CCSER1: variants seen among roughly 807,000 people sequenced by gnomAD.
CCSER1 encodes the protein serine-rich coiled-coil domain-containing protein 1.
CCSER1 carries 41 observed loss-of-function variants against 82.0 expected under a neutral mutation model. That is an observed-to-expected ratio of 0.50 (90% CI 0.39 to 0.65). The LOEUF (loss-of-function observed/expected upper bound fraction) is 0.65, where lower values mean the gene tolerates loss of function less well. CCSER1 is among the 30% of genes least tolerant of loss of function. The pLI is 0.00. For missense variants in CCSER1, 1,119 were observed against 1,064.2 expected (o/e 1.05, Z -0.72); for synonymous variants, 414 against 383.9 (o/e 1.08, Z -0.92).
chr4:90,190,164 G>T (rs569461592), intron 1 of CCSER1, among the ~76,000 whole-genome samples: 1 of 151,964 alleles, frequency 6.6e-6, no homozygotes, highest in Non-Finnish European at 1.5e-5. Flanking sequence ...CTTAGCAGGC[G>T]CATCTAGAAT....
chr4:90,230,251 C>A (rs913806365), intron 1 of CCSER1, among the ~76,000 whole-genome samples: 4 of 151,984 alleles, frequency 2.6e-5, no homozygotes, highest in Non-Finnish European at 4.4e-5. Context: ...TGTAAAAGAA[C>A]AGAAATTATA....
intron 8 of CCSER1, among the ~76,000 whole-genome samples, chr4:90,912,101 T>C (rs573162080): frequency 3.9e-4 from 59 of 152,332 alleles, no homozygotes; most frequent in East Asian, 1.9e-3. Flanking sequence ...CAGACTTAAA[T>C]GTCCCTGTCT....
At chr4:91,206,101 A>G (rs1736320003) in intron 10 of CCSER1, among the ~76,000 whole-genome samples, 1 of 151,930 alleles carries the variant, frequency 6.6e-6, no homozygotes, top group South Asian at 2.1e-4. Context: ...ATGAATCCAG[A>G]ATGTTCGGGG....
intron 8 of CCSER1, among the ~76,000 whole-genome samples, chr4:90,900,283 T>C (rs1486003079): frequency 6.6e-6 from 1 of 151,852 alleles, no homozygotes; most frequent in Non-Finnish European, 1.5e-5. Flanking sequence ...TCTGAGAACG[T>C]ATTGTATTTC....
intron 1 of CCSER1, among the ~76,000 whole-genome samples, chr4:90,213,608 G>T (rs1740447758): frequency 3.9e-5 from 6 of 152,134 alleles, no homozygotes; most frequent in Admixed American, 3.9e-4. Context: ...GGAGATTGTG[G>T]AAACTATGAA....
chr4:90,738,501 CT>C (rs1023416657), intron 7 of CCSER1, among the ~76,000 whole-genome samples: 4 of 152,094 alleles, frequency 2.6e-5, no homozygotes, highest in African/African-American at 9.7e-5. Context: ...TTGTCAAGAG[CT>C]GGGGAAGTGT....
chr4:90,748,571 C>A (rs200365203), intron 7 of CCSER1, among the ~76,000 whole-genome samples: 24,613 of 145,030 alleles, frequency 0.17, 2,548 homozygotes, highest in Non-Finnish European at 0.23. Context: ...ATGGCTGAGT[C>A]AAATGGTATT....
intron 9 of CCSER1, among the ~76,000 whole-genome samples, chr4:90,976,732 A>G: frequency 6.6e-6 from 1 of 151,522 alleles, no homozygotes; most frequent in East Asian, 1.9e-4. Context: ...GCCAAAGAAA[A>G]TATTTCTGGA....
At chr4:90,471,673 GA>G (rs201390533) in intron 5 of CCSER1, among the ~76,000 whole-genome samples, 2,403 of 147,916 alleles carry the variant, frequency 0.016, 39 homozygotes, top group African/African-American at 0.048. Flanking sequence ...TTTCCCATAA[GA>G]AAAAAAAAAT....
intron 9 of CCSER1, among the ~76,000 whole-genome samples, chr4:91,044,935 G>T (rs1742315879): frequency 6.6e-6 from 1 of 152,110 alleles, no homozygotes; most frequent in Admixed American, 6.5e-5. Flanking sequence ...TATGTGTCTT[G>T]TCTGTTTTGT....
intron 7 of CCSER1, among the ~76,000 whole-genome samples, chr4:90,760,768 A>G (rs888908313): frequency 6.6e-6 from 1 of 152,024 alleles, no homozygotes; most frequent in African/African-American, 2.4e-5. Context: ...AATTTATGTA[A>G]TCTCTCACTT....
rs151001418 is a variant in CCSER1 at position 90,981,148 on chromosome 4, C to T, written c.2172+57701C>T. ...CTAAGCTGTGAGTTCTGCAATGATACTTAGAGTTTCCCAGTGGGGTTAGGC... is the reference window on the plus strand; with the variant it reads ...CTAAGCTGTGAGTTCTGCAATGATATTTAGAGTTTCCCAGTGGGGTTAGGC... On this transcript the variant is annotated intron_variant, in intron 9 of 10. Coordinates refer to ENST00000509176, the MANE Select transcript of CCSER1 (RefSeq NM_001145065.2). 6.6e-5 allele frequency among the ~76,000 whole-genome samples: 10 copies of T among 151,886 alleles called. No individual in the cohort carries two copies. In the East Asian group the frequency reaches 2.0e-3, roughly 30 times the overall value.
intron 1 of CCSER1, among the ~76,000 whole-genome samples, chr4:90,129,504 T>C (rs1291979035): frequency 1.3e-5 from 2 of 152,240 alleles, no homozygotes; most frequent in Admixed American, 1.3e-4. Flanking sequence ...AGTAGGACAG[T>C]ATCCTTAATA....
intron 1 of CCSER1, among the ~76,000 whole-genome samples, chr4:90,200,973 C>A (rs969780509): frequency 2.6e-5 from 4 of 151,978 alleles, no homozygotes; most frequent in Admixed American, 6.6e-5. Flanking sequence ...TTTATGGTAT[C>A]ATATATGCAG....
chr4:91,168,930 T>A (rs1160406640), intron 10 of CCSER1, among the ~76,000 whole-genome samples: 1 of 152,130 alleles, frequency 6.6e-6, no homozygotes, highest in Admixed American at 6.5e-5. Context: ...AAACGTGCTG[T>A]GTCAACTCAG....
At chr4:91,230,167 A>G (rs1738514201) in intron 10 of CCSER1, among the ~76,000 whole-genome samples, 1 of 152,160 alleles carries the variant, frequency 6.6e-6, no homozygotes, top group Admixed American at 6.6e-5. Flanking sequence ...TTTTCTATAT[A>G]TAGAAAAACT....
intron 10 of CCSER1, among the ~76,000 whole-genome samples, chr4:91,087,510 A>T (rs1723505427): frequency 6.6e-6 from 1 of 152,100 alleles, no homozygotes; most frequent in Admixed American, 6.6e-5. Flanking sequence ...AGTAAGGAAC[A>T]TGGTAAAATG....
intron 10 of CCSER1, among the ~76,000 whole-genome samples, chr4:91,432,419 G>T (rs1035175455): frequency 2.0e-5 from 3 of 151,992 alleles, no homozygotes; most frequent in Non-Finnish European, 4.4e-5. Flanking sequence ...TCCATGAAGA[G>T]GATTTGCATA....
intron 10 of CCSER1, among the ~76,000 whole-genome samples, chr4:91,552,914 A>G (rs1762224285): frequency 6.6e-6 from 1 of 151,538 alleles, no homozygotes; most frequent in Non-Finnish European, 1.5e-5. Context: ...TACTATATCA[A>G]ATAGAACTGG....
Sources: allele counts gnomAD v4.1 joint callset (sites outside exome capture counted in the v4.1 genomes callset), GRCh38; gene constraint gnomAD v4.1.1; transcripts MANE v1.5; gene names NCBI Gene and HGNC (gene_info 2026-07-23, HGNC 2026-07-21).